The following NAV1 variants were observed in gnomAD, a reference collection of about 807,000 sequenced individuals.
The protein encoded by NAV1 is pore membrane and/or filament interacting like protein 3.
Under a neutral mutation model 175.2 loss-of-function variants are expected in NAV1, and 18 were observed. The ratio of observed to expected loss-of-function variants is 0.10; its 90% CI spans 0.07 to 0.15. The LOEUF (loss-of-function observed/expected upper bound fraction) is 0.15, where lower values mean the gene tolerates loss of function less well. Ranked by LOEUF, NAV1 falls within the 10% of genes least tolerant of loss-of-function variation. The pLI is 1.00. For synonymous variants in NAV1, 897 were observed against 978.7 expected (o/e 0.92, Z 1.56); for missense variants, 1,731 against 2,436.6 (o/e 0.71, Z 6.10).
rs199673779 is a variant in NAV1, at chr1:201,795,748, CT to C, written c.3517+1188del. On this transcript the variant is annotated intron_variant, in intron 15 of 29. Transcript: ENST00000367296. ...CTTACAATTTTTAGTACTTATTTTC[CT>C]TTTTTTTTTTTTTTTTGAGTCGGAG... is the stretch of plus-strand genomic sequence containing the variant. 1,241 of 139,046 alleles carry C rather than the reference CT, an allele frequency of 8.9e-3. 7 individuals carry two copies. Among genetic ancestry groups the C allele is most frequent in the African/African-American group, 0.023 (862 of 38,038 alleles). The allele number at this position is 139,046 out of a possible 1,614,324, so 8.6% of individuals were successfully genotyped here.
intron 3 of NAV1, among the ~76,000 whole-genome samples, chr1:201,775,900 T>C (rs1319454927): frequency 4.0e-5 from 6 of 151,198 alleles, no homozygotes; most frequent in African/African-American, 1.2e-4. Flanking sequence ...TCTACAAAAA[T>C]TTTAAAGTTA....
chr1:201,819,772 T>C, intron 29 of NAV1, 65 bp from the exon 34 acceptor site: 1 of 1,419,790 alleles, frequency 7.0e-7, no homozygotes, highest in Middle Eastern at 1.8e-4. Context: ...TTGTTGTTGT[T>C]TCCCTTCTGT....
rs569680473 is a variant in NAV1 at position 201,682,614 on chromosome 1, C to T, written c.758-30203C>T. Reference sequence around the variant, plus strand: ...AACCAAATCTGTGCATAGTCAAGACCCGCATTCAGCTCTGCAGAACCTACG... The same window carrying T: ...AACCAAATCTGTGCATAGTCAAGACTCGCATTCAGCTCTGCAGAACCTACG... On this transcript the variant is annotated intron_variant, in intron 1 of 29. Transcript: ENST00000367296. Among the ~76,000 whole-genome samples the T allele has an allele frequency of 1.6e-4, 25 of 152,270 alleles. No homozygotes were observed. In the South Asian group the frequency reaches 4.8e-3, roughly 29 times the overall value.
At position 201,806,048 on chromosome 1, in the gene NAV1, G is replaced by A. The variant is rs114300129; in HGVS notation, c.3648+1551G>A. ...CACCCAGGCTGGAATGCAGTGACGC[G>A]ATCTTGGCTCACTGTAACCTCGGCC... On this transcript the variant is annotated intron_variant, in intron 17 of 29. Coordinates refer to ENST00000367296, the Ensembl canonical transcript of NAV1. 6.5e-3 allele frequency among the ~76,000 whole-genome samples: 969 copies of A among 150,158 alleles called. 8 individuals carry two copies. Among genetic ancestry groups the A allele is most frequent in the African/African-American group, 0.022 (888 of 40,652 alleles).
chr1:201,694,029 T>C lies in NAV1; in HGVS notation c.758-18788T>C, dbSNP rs1190128735. On this transcript the variant is annotated intron_variant, in intron 1 of 29. Coordinates refer to ENST00000367296, the Ensembl canonical transcript of NAV1. The surrounding 1 kb of genome is among the most constrained non-coding windows in gnomAD (Gnocchi z 4.2). ...TACAAAATTCTGTCTCCACAGTGTGTCCCCCAGTTTGGCTTCCTGGTGGGG... is the reference window on the plus strand; with the variant it reads ...TACAAAATTCTGTCTCCACAGTGTGCCCCCCAGTTTGGCTTCCTGGTGGGG... 6.6e-6 allele frequency among the ~76,000 whole-genome samples: 1 copy of C among 152,126 alleles called. No individual in the cohort carries two copies. The highest frequency in any genetic ancestry group is 6.5e-5 in the Admixed American group (1 of 15,282).
rs752014348 is a variant in NAV1 at position 201,810,063 on chromosome 1, C to T, written c.4519C>T (p.Pro1507Ser). 5.6e-6 allele frequency: 9 copies of T among 1,614,040 alleles called. No homozygotes were observed. Among genetic ancestry groups the T allele is most frequent in the Non-Finnish European group, 7.6e-6 (9 of 1,180,000 alleles). The change falls in exon 23 of 30, where the codon CCT (proline) becomes TCT (serine). Residue 1507 changes from proline (P) to serine (S), a missense_variant. Transcript: ENST00000367296. This position sits in a 1 kb window ranked among gnomAD's most constrained non-coding sequence, Gnocchi z 6.0. ...GGATGCAGAGCCCCCCGAGATGCCTCCTTGCCGTCGAGGTGTCAATAACAT... is the reference window on the plus strand; with the variant it reads ...GGATGCAGAGCCCCCCGAGATGCCTTCTTGCCGTCGAGGTGTCAATAACAT...
At chr1:201,649,461 C>T in intron 1 of NAV1, 36 bp downstream of exon 5, 1 of 1,429,972 alleles carries the variant, frequency 7.0e-7, no homozygotes, top group Non-Finnish European at 9.3e-7. Context: ...CCGCCCCTGG[C>T]TTTCTCCTAA....
intron 1 of NAV1, among the ~76,000 whole-genome samples, chr1:201,560,937 C>T (rs1361324180): frequency 6.6e-6 from 1 of 152,210 alleles, no homozygotes; most frequent in Non-Finnish European, 1.5e-5. Flanking sequence ...TCAGCATTTC[C>T]GTTGCATTTG....
At chr1:201,714,960 C>G (rs1672075240) in intron 2 of NAV1, among the ~76,000 whole-genome samples, 1 of 152,122 alleles carries the variant, frequency 6.6e-6, no homozygotes, top group African/African-American at 2.4e-5. Context: ...TTCAATCAAG[C>G]CTTTTGCATA....
At chr1:201,550,726 G>GT (rs1444489097) in intron 1 of NAV1, among the ~76,000 whole-genome samples, 2 of 152,190 alleles carry the variant, frequency 1.3e-5, no homozygotes, top group African/African-American at 4.8e-5. Context: ...TTTTATGTTT[G>GT]TATTTGGGAA....
chr1:201,569,379 A>G (rs188333321), intron 1 of NAV1, among the ~76,000 whole-genome samples: 144 of 152,276 alleles, frequency 9.5e-4, no homozygotes, highest in South Asian at 4.8e-3. Flanking sequence ...AATGATTTTA[A>G]TGTCCGAAAT....
intron 1 of NAV1, among the ~76,000 whole-genome samples, chr1:201,693,940 G>A (rs1227886098): frequency 6.6e-6 from 1 of 152,198 alleles, no homozygotes; most frequent in South Asian, 2.1e-4. Flanking sequence ...GGGGGCTGGG[G>A]GCAGGACCTG....
Position 201,808,168 on chromosome 1 carries a change from C to T in NAV1, c.3845+19C>T. 1 of 1,613,304 alleles carries T rather than the reference C, an allele frequency of 6.2e-7. No individual in the cohort carries two copies. The highest frequency in any genetic ancestry group is 8.5e-7 in the Non-Finnish European group (1 of 1,179,404). On this transcript the variant is annotated intron_variant, in intron 18 of 29. Coordinates refer to ENST00000367296, the Ensembl canonical transcript of NAV1. This position sits in a 1 kb window ranked among gnomAD's most constrained non-coding sequence, Gnocchi z 5.5. ...TCACCGAGTAAGTGCTCTTTGGCTC[C>T]CTGCCACCCAGCCTGTTACCAGTGT...
chr1:201,631,088 G>A (rs1668469251), intron 2 of NAV1, among the ~76,000 whole-genome samples: 1 of 152,156 alleles, frequency 6.6e-6, no homozygotes, highest in Non-Finnish European at 1.5e-5. Context: ...AGAGTGCCGG[G>A]GAACATTTGG....
chr1:201,550,450 G>A (rs1036913703), intron 1 of NAV1, among the ~76,000 whole-genome samples: 5 of 152,148 alleles, frequency 3.3e-5, no homozygotes, highest in African/African-American at 1.2e-4. Context: ...CAGATCACAA[G>A]GGTGAACCAC....
rs916763111 is a variant in NAV1 at position 201,539,317 on chromosome 1, C to T, written c.-169C>T. ...ACTCTGCGCGGCTGCGGCGCGGACC[C>T]GGAGCCCGGGCGGGCAGGCGCTCCG... On this transcript the variant is annotated 5_prime_UTR_variant, in exon 1 of 34. Transcript: ENST00000685211. This position sits in a 1 kb window ranked among gnomAD's most constrained non-coding sequence, Gnocchi z 5.6. Among the ~76,000 whole-genome samples, 1 of 151,904 alleles carries T rather than the reference C, an allele frequency of 6.6e-6. No homozygotes were observed. Among genetic ancestry groups the T allele is most frequent in the African/African-American group, 2.4e-5 (1 of 41,416 alleles).
At chr1:201,651,473 ATT>A (rs1669202838) in intron 1 of NAV1, among the ~76,000 whole-genome samples, 2 of 152,228 alleles carry the variant, frequency 1.3e-5, no homozygotes, top group Admixed American at 6.5e-5. Context: ...GTGGTCCCTT[ATT>A]CCTGCTTAGC....
chr1:201,718,268 A>C lies in NAV1; in HGVS notation c.861-122A>C. On this transcript the variant is annotated intron_variant, in intron 2 of 29. Coordinates refer to ENST00000367296, the Ensembl canonical transcript of NAV1. The surrounding 1 kb of genome is among the most constrained non-coding windows in gnomAD (Gnocchi z 4.8). Reference sequence around the variant, plus strand: ...CTCATGGAGGAGGTGGAGCTTGGGCAGGTGGGGAGGAGGTGACAGGGCCTG... The same window carrying C: ...CTCATGGAGGAGGTGGAGCTTGGGCCGGTGGGGAGGAGGTGACAGGGCCTG... The C allele has an allele frequency of 9.6e-7, 1 of 1,046,732 alleles. No individual in the cohort carries two copies. The highest frequency in any genetic ancestry group is 2.5e-5 in the South Asian group (1 of 39,770). The allele number at this position is 1,046,732 out of a possible 1,614,324, so 64.8% of individuals were successfully genotyped here. A position where few individuals can be genotyped will look rare whatever the true frequency, so the allele number is the denominator to read the frequency against.
intron 1 of NAV1, among the ~76,000 whole-genome samples, chr1:201,662,485 T>C (rs1246403665): frequency 6.6e-6 from 1 of 152,194 alleles, no homozygotes; most frequent in Non-Finnish European, 1.5e-5. Flanking sequence ...CCTGACTGCC[T>C]GGGGCGATAG....
Sources: gnomAD v4.1 joint callset for allele counts (sites outside exome capture counted in the v4.1 genomes callset) on GRCh38, gnomAD v4.1.1 for gene constraint, Gnocchi (gnomAD v3.1) non-coding constraint, MANE v1.5 for transcripts, NCBI Gene and HGNC (gene_info 2026-07-23, HGNC 2026-07-21) for gene names.